The following ZC3H7A variants were observed in gnomAD, a reference collection of about 807,000 sequenced individuals.
The protein encoded by ZC3H7A is zinc finger CCCH-type containing 7A.
In ZC3H7A, 44 loss-of-function variants were observed where a neutral mutation model predicts 125.5. The observed-to-expected ratio is 0.35, with a 90% confidence interval of 0.28 to 0.45. The LOEUF (loss-of-function observed/expected upper bound fraction) is 0.45. Ranked by LOEUF, ZC3H7A falls within the 20% of genes least tolerant of loss-of-function variation. The pLI, the probability that ZC3H7A is intolerant of heterozygous loss-of-function variation, is 1.00. For missense variants in ZC3H7A, 977 were observed against 1,170.7 expected (o/e 0.83, Z 2.41); for synonymous variants, 399 against 391.2 (o/e 1.02, Z -0.23).
intron 13 of ZC3H7A, 134 bp downstream of exon 13, chr16:11,767,283 T>A: frequency 2.7e-6 from 2 of 730,844 alleles, no homozygotes; most frequent in South Asian, 2.3e-5. Context: ...GGCTACACCA[T>A]CGAGGTTTGT....
chr16:11,760,137 A>AAAAAAAAAAAAAAG (rs1555493879), intron 19 of ZC3H7A, among the ~76,000 whole-genome samples: 6 of 137,632 alleles, frequency 4.4e-5, no homozygotes, highest in Non-Finnish European at 8.1e-5. Context: ...AAAAAAAAAA[A>AAAAAAAAAAAAAAG]AAAAAAAAGA....
intron 2 of ZC3H7A, 133 bp from the exon 3 acceptor site, chr16:11,781,597 C>A: frequency 1.4e-6 from 1 of 699,426 alleles, no homozygotes; most frequent in East Asian, 2.7e-5. Context: ...CTTCCTCCTC[C>A]TTTACTACCA....
At chr16:11,768,201 G>A (rs577317011) in intron 12 of ZC3H7A, 114 bp downstream of exon 12, 4 of 1,057,848 alleles carry the variant, frequency 3.8e-6, no homozygotes, top group Non-Finnish European at 5.1e-6. Context: ...TTCAAAATAG[G>A]GATTGAAGAA....
Position 11,773,480 on chromosome 16 carries a change from G to C in ZC3H7A, c.903+756C>G, listed in dbSNP as rs139472140. 7.8e-4 allele frequency among the ~76,000 whole-genome samples: 119 copies of C among 151,974 alleles called. 2 individuals are homozygous for C. In the East Asian group the frequency reaches 0.021, roughly 27 times the overall value. The stretch of plus-strand genomic sequence containing the variant: ...TTAAGAATTGTAAAAAATATTCTTA[G>C]TTTGCAAGCCATACAAAAACAGGTA... On this transcript the variant is annotated intron_variant, in intron 9 of 22. Coordinates refer to ENST00000355758, the MANE Select transcript of ZC3H7A (RefSeq NM_014153.4).
intron 10 of ZC3H7A, among the ~76,000 whole-genome samples, chr16:11,770,272 G>GGATGACA (rs1403218605): frequency 6.6e-6 from 1 of 152,078 alleles, no homozygotes; most frequent in East Asian, 1.9e-4. Flanking sequence ...GTTAAACCTA[G>GGATGACA]GATGACAGAA....
intron 7 of ZC3H7A, among the ~76,000 whole-genome samples, chr16:11,775,880 A>C (rs76817987): frequency 0.01 from 1,527 of 152,298 alleles, 27 homozygotes; most frequent in African/African-American, 0.035. Flanking sequence ...AGAAGAGGCC[A>C]GAAGAGATGG....
At chr16:11,764,531 A>T (rs1459093016) in intron 15 of ZC3H7A, among the ~76,000 whole-genome samples, 1 of 152,100 alleles carries the variant, frequency 6.6e-6, no homozygotes, top group Non-Finnish European at 1.5e-5. Flanking sequence ...CCTGGGAAAC[A>T]GAAAAAGACT....
rs2053186263 is a variant in ZC3H7A, at chr16:11,782,364, C to A, written c.-10G>T. The A allele has an allele frequency of 6.2e-7, 1 of 1,613,964 alleles. No homozygotes were observed. The highest frequency in any genetic ancestry group is 8.5e-7 in the Non-Finnish European group (1 of 1,180,008). On this transcript the variant is annotated 5_prime_UTR_variant, in exon 2 of 23. Coordinates refer to ENST00000355758, the MANE Select transcript of ZC3H7A (RefSeq NM_014153.4). Reference sequence around the variant, plus strand: ...CGGACACATTGGACATGTTATCCCACACATCCACTTTCTAAATGAGCAATC... The same window carrying A: ...CGGACACATTGGACATGTTATCCCAAACATCCACTTTCTAAATGAGCAATC...
intron 9 of ZC3H7A, among the ~76,000 whole-genome samples, chr16:11,771,339 G>T (rs550585356): frequency 1.3e-5 from 2 of 151,374 alleles, no homozygotes; most frequent in Middle Eastern, 3.4e-3. Context: ...AGTGAGCCAA[G>T]ATCACGCAAT....
At chr16:11,758,352 A>G in intron 20 of ZC3H7A, 79 bp downstream of exon 20, 1 of 1,051,318 alleles carries the variant, frequency 9.5e-7, no homozygotes, top group Non-Finnish European at 1.5e-6. Flanking sequence ...CTGTGTTCAC[A>G]GGAAGCTGGC....
chr16:11,767,916 G>A (rs1246490237), intron 12 of ZC3H7A, among the ~76,000 whole-genome samples: 1 of 152,086 alleles, frequency 6.6e-6, no homozygotes, highest in Non-Finnish European at 1.5e-5. Flanking sequence ...TATGAAACAA[G>A]CTAACAGAAA....
Position 11,765,778 on chromosome 16 carries a change from G to A in ZC3H7A, c.1523-93C>T. The A allele has an allele frequency of 1.6e-6, 2 of 1,281,594 alleles. No homozygotes were observed. Among genetic ancestry groups the A allele is most frequent in the Non-Finnish European group, 2.1e-6 (2 of 936,830 alleles). 79.4% of individuals were successfully genotyped at this position (1,281,594 alleles called of 1,614,324 possible). On this transcript the variant is annotated intron_variant, in intron 13 of 22. Transcript: ENST00000355758. This position sits in a 1 kb window ranked among gnomAD's most constrained non-coding sequence, Gnocchi z 4.8. ...AGGCTGAGGTGGGAGGATCCCTTGAGCCCAGGAGTTCAAGGCTGCGGTGAG... is the reference window on the plus strand; with the variant it reads ...AGGCTGAGGTGGGAGGATCCCTTGAACCCAGGAGTTCAAGGCTGCGGTGAG...
chr16:11,754,493 G>A (rs895509732), intron 21 of ZC3H7A, among the ~76,000 whole-genome samples: 2 of 151,806 alleles, frequency 1.3e-5, no homozygotes, highest in Admixed American at 6.6e-5. Flanking sequence ...GGATCTGACT[G>A]AATCAACAGA....
In ZC3H7A at chr16:11,769,710, C is replaced by CAAAAAAAAAAAAA. The variant is rs529124830; in HGVS notation, c.1109-628_1109-616dup. 3.9e-3 allele frequency among the ~76,000 whole-genome samples: 126 copies of CAAAAAAAAAAAAA among 32,550 alleles called. 24 individuals are homozygous for CAAAAAAAAAAAAA. Among genetic ancestry groups the CAAAAAAAAAAAAA allele is most frequent in the African/African-American group, 0.022 (118 of 5,330 alleles). 21.4% of individuals were successfully genotyped at this position (32,550 alleles called of 152,430 possible). A position where few individuals can be genotyped will look rare whatever the true frequency, so the allele number is the denominator to read the frequency against. On this transcript the variant is annotated intron_variant, in intron 10 of 22. Transcript: ENST00000355758. ...TGGGCAACAGAGTGAGACTCTGTCTCAAAAAAAAAAAAAAAAAAAGCAGGA... is the reference window on the plus strand; with the variant it reads ...TGGGCAACAGAGTGAGACTCTGTCTCAAAAAAAAAAAAAAAAAAAAAAAAAAAAAAAAGCAGGA...
rs753041008 is a variant in ZC3H7A, at chr16:11,768,489, C to T, written c.1186G>A (p.Gly396Ser). 1 of 1,456,108 alleles carries T rather than the reference C, an allele frequency of 6.9e-7. No homozygotes were observed. The highest frequency in any genetic ancestry group is 2.3e-5 in the Admixed American group (1 of 43,466). 90.2% of individuals were successfully genotyped at this position (1,456,108 alleles called of 1,614,324 possible). The change falls in exon 12 of 23, where the codon GGT (glycine) becomes AGT (serine). Residue 396 changes from glycine to serine, a missense_variant. Gly to Ser is a moderately conservative substitution (Grantham distance 56). Transcript: ENST00000355758. ...AAATTCTCTGAAGCAAACAAACTAC[C>T]TGGTCCATTCATCTGCAAGAAAAAT... ...NSSLLLMNGP[G>S]SLFASENFLG...
chr16:11,793,014 C>T (rs138224469), intron 1 of ZC3H7A, among the ~76,000 whole-genome samples: 111 of 152,306 alleles, frequency 7.3e-4, no homozygotes, highest in African/African-American at 2.6e-3. Context: ...AGAGGGCTTT[C>T]ACAGGAATGC....
intron 9 of ZC3H7A, among the ~76,000 whole-genome samples, chr16:11,771,779 G>C (rs1417276194): frequency 6.6e-6 from 1 of 152,122 alleles, no homozygotes; most frequent in Non-Finnish European, 1.5e-5. Context: ...GGGATTACAG[G>C]TGTGAGCCAC....
rs774802583 is a variant in ZC3H7A, at chr16:11,765,574, G to C, written c.1634C>G (p.Ala545Gly). The C allele has an allele frequency of 1.6e-5, 26 of 1,614,028 alleles. No homozygotes were observed. The highest frequency in any genetic ancestry group is 2.2e-5 in the Non-Finnish European group (26 of 1,180,022). Reference sequence around the variant, plus strand: ...AATCTTTCCATTGCCGCCAAAGAAAGCCTCCCGGCTGAATGCTCCTTTCCG... The same window carrying C: ...AATCTTTCCATTGCCGCCAAAGAAACCCTCCCGGCTGAATGCTCCTTTCCG... ...LERKGAFSRE[A>G]FFGGNGKINL... The change falls in exon 14 of 23, where the codon GCT (alanine) becomes GGT (glycine). Residue 545 changes from alanine (A) to glycine (G), a missense_variant. Coordinates refer to ENST00000355758, the MANE Select transcript of ZC3H7A (RefSeq NM_014153.4). This position sits in a 1 kb window ranked among gnomAD's most constrained non-coding sequence, Gnocchi z 4.8.
At chr16:11,791,677 G>C (rs2053353905) in intron 1 of ZC3H7A, among the ~76,000 whole-genome samples, 1 of 152,228 alleles carries the variant, frequency 6.6e-6, no homozygotes, top group Non-Finnish European at 1.5e-5. Context: ...CGTGAAGAAG[G>C]AGGGTGCCCA....
Sources: allele counts gnomAD v4.1 joint callset (sites outside exome capture counted in the v4.1 genomes callset), GRCh38; gene constraint gnomAD v4.1.1; non-coding constraint Gnocchi (gnomAD v3.1); transcripts MANE v1.5; gene names NCBI Gene and HGNC (gene_info 2026-07-23, HGNC 2026-07-21).